HIBADH: variants seen among roughly 807,000 people sequenced by gnomAD.
The protein encoded by HIBADH is 3-hydroxyisobutyrate dehydrogenase, mitochondrial.
HIBADH carries 25 observed loss-of-function variants against 36.1 expected under a neutral mutation model. That is an observed-to-expected ratio of 0.69 (90% CI 0.50 to 0.97). The LOEUF is 0.97. HIBADH is among the 50% of genes least tolerant of loss of function. HIBADH has a pLI of 0.00. For synonymous variants in HIBADH, 160 were observed against 149.5 expected (o/e 1.07, Z -0.51); for missense variants, 421 against 418.0 (o/e 1.01, Z -0.06).
intron 4 of HIBADH, among the ~76,000 whole-genome samples, chr7:27,573,611 A>G (rs1350312393): frequency 6.6e-6 from 1 of 152,242 alleles, no homozygotes; most frequent in Non-Finnish European, 1.5e-5. Context: ...GCATGTATTT[A>G]ACAAACTTTG....
intron 1 of HIBADH, among the ~76,000 whole-genome samples, chr7:27,654,589 A>G (rs4722726): frequency 0.8 from 121,262 of 152,000 alleles, 48,808 homozygotes; most frequent in East Asian, 0.98. Flanking sequence ...AAAAACAACT[A>G]TCAAGCTAGA....
intron 1 of HIBADH, among the ~76,000 whole-genome samples, chr7:27,658,260 T>C (rs1786343486): frequency 6.6e-6 from 1 of 152,190 alleles, no homozygotes; most frequent in South Asian, 2.1e-4. Flanking sequence ...CTGACAGTAG[T>C]GCGTGGAAAA....
At chr7:27,605,675 T>C (rs555866865) in intron 4 of HIBADH, among the ~76,000 whole-genome samples, 1 of 150,918 alleles carries the variant, frequency 6.6e-6, no homozygotes, top group South Asian at 2.1e-4. Flanking sequence ...AAATATTTCA[T>C]TTTCATTTAC....
intron 5 of HIBADH, among the ~76,000 whole-genome samples, chr7:27,539,839 T>C (rs570661184): frequency 2.0e-5 from 3 of 152,288 alleles, no homozygotes; most frequent in Non-Finnish European, 2.9e-5. Flanking sequence ...TGTATTCTTA[T>C]GGTAAAGCAA....
intron 2 of HIBADH, among the ~76,000 whole-genome samples, chr7:27,644,634 G>A (rs1441952892): frequency 2.3e-4 from 34 of 148,532 alleles, no homozygotes; most frequent in African/African-American, 4.8e-4. Flanking sequence ...GCGTGGTGGC[G>A]CGTGCCTGTA....
rs570635923 is a variant in HIBADH, at chr7:27,532,198, C to T, written c.696-850G>A. 1.2e-4 allele frequency among the ~76,000 whole-genome samples: 18 copies of T among 152,250 alleles called. No homozygotes were observed. In the South Asian group the frequency reaches 3.7e-3, roughly 32 times the overall value. ...TTACTTGGATTCTAAAGATATAATG[C>T]AGTTTGGGAAGCACAATTTTGCTAG... On this transcript the variant is annotated intron_variant, in intron 6 of 7. Transcript: ENST00000265395.
chr7:27,612,321 C>CT (rs957662209), intron 4 of HIBADH, among the ~76,000 whole-genome samples: 35 of 145,692 alleles, frequency 2.4e-4, no homozygotes, highest in South Asian at 4.4e-4. Flanking sequence ...TTTTCTTTTC[C>CT]TTTTTTTTTT....
chr7:27,568,954 G>A lies in HIBADH; in HGVS notation c.485-25854C>T, dbSNP rs113275902. On this transcript the variant is annotated intron_variant, in intron 4 of 7. Transcript: ENST00000265395. ...TTTTGTACCACACTCATCTCTGTAT[G>A]AAACTCCACTGGCACAAATGTTAGA... 1.2e-4 allele frequency among the ~76,000 whole-genome samples: 17 copies of A among 136,912 alleles called. 1 individual carries two copies. The highest frequency in any genetic ancestry group is 4.8e-4 in the African/African-American group (17 of 35,786). 89.8% of individuals were successfully genotyped at this position (136,912 alleles called of 152,430 possible).
chr7:27,594,199 A>C (rs1244281821), intron 4 of HIBADH, among the ~76,000 whole-genome samples: 8 of 146,362 alleles, frequency 5.5e-5, no homozygotes, highest in African/African-American at 2.0e-4. Context: ...GCTGGAGTGC[A>C]GTGGCACAAT....
chr7:27,541,288 C>T (rs181280705), intron 5 of HIBADH, among the ~76,000 whole-genome samples: 42 of 152,264 alleles, frequency 2.8e-4, no homozygotes, highest in Non-Finnish European at 5.1e-4. Context: ...TATTTCTTGA[C>T]ATTTTTTAAG....
intron 7 of HIBADH, 70 bp from the exon 8 acceptor site, chr7:27,526,442 T>G: frequency 8.0e-7 from 1 of 1,254,866 alleles, no homozygotes; most frequent in East Asian, 2.7e-5. Context: ...TGGTTCCTTA[T>G]GTTTTGGTTT....
intron 4 of HIBADH, among the ~76,000 whole-genome samples, chr7:27,620,361 A>G (rs1446442426): frequency 2.0e-5 from 3 of 152,174 alleles, no homozygotes; most frequent in Non-Finnish European, 4.4e-5. Context: ...CAGCAAGACA[A>G]AAGCATCTGG....
Position 27,538,415 on chromosome 7 carries a change from C to T in HIBADH, c.621G>A (p.Ala207=), listed in dbSNP as rs1372398027. 17 of 1,611,992 alleles carry T rather than the reference C, an allele frequency of 1.1e-5. No individual in the cohort carries two copies. Among genetic ancestry groups the T allele is most frequent in the African/African-American group, 4.0e-5 (3 of 74,806 alleles). The change falls in exon 6 of 8, where the codon GCG becomes GCA. Residue 207 remains alanine, a splice_region_variant and synonymous_variant. Coordinates refer to ENST00000265395, the MANE Select transcript of HIBADH (RefSeq NM_152740.4). ...ACAGCATGTTGTTGCAGATCTTTGC[C>T]GCCTGAAAATAAATTGAGTACATAT... ...VYCGAVGTGQ[A]AKICNNMLLA...
chr7:27,649,579 T>G lies in HIBADH; in HGVS notation c.146A>C (p.Asn49Thr). Residue 49 changes from asparagine (N) to threonine (T), a missense_variant, in exon 2 of 8, where the codon AAC becomes ACC. Physicochemically the swap from Asn to Thr is moderately conservative, Grantham distance 65. Transcript: ENST00000265395. ...ATTTTTTGCCATTGGATTCCCCATG[T>G]TGCCCAGTCCAATGAATCCAACTGG... The part of the protein sequence containing the change: ...KTPVGFIGLG[N>T]MGNPMAKNLM... 1 of 1,613,996 alleles carries G rather than the reference T, an allele frequency of 6.2e-7. No homozygotes were observed.
At chr7:27,580,675 T>G (rs1412264259) in intron 4 of HIBADH, among the ~76,000 whole-genome samples, 1 of 152,204 alleles carries the variant, frequency 6.6e-6, no homozygotes, top group Non-Finnish European at 1.5e-5. Flanking sequence ...AACACAAGAC[T>G]GAGTGCCTAC....
At chr7:27,569,304 G>C (rs555443835) in intron 4 of HIBADH, among the ~76,000 whole-genome samples, 24 of 152,108 alleles carry the variant, frequency 1.6e-4, no homozygotes, top group Non-Finnish European at 2.8e-4. Flanking sequence ...GGTAATCTCA[G>C]GGTTGGTATC....
chr7:27,616,898 GTAT>G (rs1207715736), intron 4 of HIBADH, among the ~76,000 whole-genome samples: 1 of 152,156 alleles, frequency 6.6e-6, no homozygotes, highest in African/African-American at 2.4e-5. Flanking sequence ...GCTGTTTCGA[GTAT>G]TATTACAAGA....
chr7:27,598,651 G>C (rs1785070930), intron 4 of HIBADH, among the ~76,000 whole-genome samples: 2 of 152,008 alleles, frequency 1.3e-5, no homozygotes, highest in Non-Finnish European at 1.5e-5. Flanking sequence ...AAAAATACCA[G>C]AGGACAACTC....
chr7:27,656,110 A>G (rs1176648901), intron 1 of HIBADH, among the ~76,000 whole-genome samples: 3 of 152,192 alleles, frequency 2.0e-5, no homozygotes, highest in Non-Finnish European at 4.4e-5. Context: ...TTTGTGAGCC[A>G]TTGTGAAATG....
Sources: gnomAD v4.1 joint callset for allele counts (sites outside exome capture counted in the v4.1 genomes callset) on GRCh38, gnomAD v4.1.1 for gene constraint, MANE v1.5 for transcripts, NCBI Gene and HGNC (gene_info 2026-07-23, HGNC 2026-07-21) for gene names.